SDK2: variants seen among roughly 807,000 people sequenced by gnomAD.
SDK2 encodes the protein protein sidekick-2.
Under a neutral mutation model 253.9 loss-of-function variants are expected in SDK2, and 105 were observed. That is an observed-to-expected ratio of 0.41 (90% CI 0.35 to 0.49). SDK2 has a LOEUF of 0.49. Among genes scored for constraint, SDK2 ranks in the 20% least tolerant of loss-of-function variants. The probability of loss-of-function intolerance (pLI) is 0.06; values close to 1 mark genes in which losing one functional copy is unlikely to be tolerated. For missense variants in SDK2, 2,608 were observed against 3,003.0 expected, an observed-to-expected ratio of 0.87 and a Z score of 3.07; for synonymous variants, 1,249 against 1,234.9, an observed-to-expected ratio of 1.01 and a Z score of -0.24.
chr17:73,559,635 T>C (rs1179081582), intron 1 of SDK2, among the ~76,000 whole-genome samples: 2 of 108,980 alleles, frequency 1.8e-5, no homozygotes, highest in African/African-American at 3.7e-5. Flanking sequence ...CATGTCACCA[T>C]ACTGTGGCTG....
intron 1 of SDK2, among the ~76,000 whole-genome samples, chr17:73,524,357 C>T (rs776405429): frequency 2.6e-5 from 4 of 152,216 alleles, no homozygotes; most frequent in Admixed American, 6.5e-5. Flanking sequence ...CCGCCCGCCC[C>T]GGCCATTCAC....
rs774885043 is a variant in SDK2 at position 73,368,470 on chromosome 17, C to T, written c.5104G>A (p.Ala1702Thr). ...GYTAYMVSVA[A>T]FNAAGDGPRS... ...GGCCCATCCCCAGCGGCGTTGAAGG[C>T]GGCCACGCTGACCATGTAGGCCGTG... is the stretch of plus-strand genomic sequence containing the variant. Residue 1702 changes from alanine to threonine, a missense_variant, in exon 37 of 45, where the codon GCC becomes ACC. Around this residue, in one of 2 missense-constraint regions of SDK2, gnomAD observed 1,103 missense variants for 1,143.9 expected, o/e 0.96. Coordinates refer to ENST00000392650, the MANE Select transcript of SDK2 (RefSeq NM_001144952.2). The T allele has an allele frequency of 1.1e-5, 18 of 1,608,080 alleles. No individual in the cohort carries two copies. The highest frequency in any genetic ancestry group is 2.2e-5 in the East Asian group (1 of 44,568).
At chr17:73,480,148 G>A (rs187611900) in intron 2 of SDK2, among the ~76,000 whole-genome samples, 1 of 152,206 alleles carries the variant, frequency 6.6e-6, no homozygotes, top group Non-Finnish European at 1.5e-5. Context: ...GTTCACAGAT[G>A]AGAAAAACGG....
At chr17:73,400,671 T>G (rs1400244766) in intron 21 of SDK2, among the ~76,000 whole-genome samples, 1 of 151,710 alleles carries the variant, frequency 6.6e-6, no homozygotes, top group Non-Finnish European at 1.5e-5. Context: ...TTTTTTTTTT[T>G]GAGACGCGAT....
chr17:73,356,980 C>A (rs929169219), intron 40 of SDK2, among the ~76,000 whole-genome samples: 3 of 152,204 alleles, frequency 2.0e-5, no homozygotes, highest in Non-Finnish European at 4.4e-5. Flanking sequence ...AGGTGCAGGC[C>A]CTGGTTGGGA....
intron 1 of SDK2, among the ~76,000 whole-genome samples, chr17:73,621,451 AGACT>A (rs1211691950): frequency 2.0e-5 from 3 of 152,230 alleles, no homozygotes; most frequent in African/African-American, 7.2e-5. Flanking sequence ...AAGATAATCA[AGACT>A]GACCCTGAAA....
chr17:73,602,036 G>A (rs986792398), intron 1 of SDK2, among the ~76,000 whole-genome samples: 1 of 152,312 alleles, frequency 6.6e-6, no homozygotes, highest in African/African-American at 2.4e-5. Flanking sequence ...GAGCCGCCGC[G>A]CCCAGCCCAG....
Position 73,443,270 on chromosome 17 carries a change from T to A in SDK2, c.614-2347A>T, listed in dbSNP as rs771495383. Among the ~76,000 whole-genome samples, 8 of 151,870 alleles carry A rather than the reference T, an allele frequency of 5.3e-5. No homozygotes were observed. The highest frequency in any genetic ancestry group is 8.8e-5 in the Non-Finnish European group (6 of 67,958). Reference sequence around the variant, plus strand: ...AAGAATGCGCATAAAATGTAAAAAATAAAGTAAAATGAAGGGGGAAAGAAA... The same window carrying A: ...AAGAATGCGCATAAAATGTAAAAAAAAAAGTAAAATGAAGGGGGAAAGAAA... On this transcript the variant is annotated intron_variant, in intron 5 of 44. Transcript: ENST00000392650. This position sits in a 1 kb window ranked among gnomAD's most constrained non-coding sequence, Gnocchi z 4.6.
At chr17:73,608,699 TC>T (rs1232954956) in intron 1 of SDK2, among the ~76,000 whole-genome samples, 1 of 152,160 alleles carries the variant, frequency 6.6e-6, no homozygotes, top group African/African-American at 2.4e-5. Flanking sequence ...TGCCTTGGCC[TC>T]CCAAAGTGCT....
intron 18 of SDK2, among the ~76,000 whole-genome samples, chr17:73,406,496 C>A (rs570119294): frequency 1.3e-5 from 2 of 151,378 alleles, no homozygotes; most frequent in South Asian, 4.2e-4. Flanking sequence ...ATGATCTGCC[C>A]GCCTCGGCCT....
intron 16 of SDK2, 97 bp downstream of exon 16, chr17:73,419,069 C>T: frequency 7.3e-7 from 1 of 1,377,230 alleles, no homozygotes; most frequent in Non-Finnish European, 1.0e-6. Context: ...TGGCGAAGGG[C>T]CTGCCATGAA....
At chr17:73,359,765 C>A (rs1178934025) in intron 39 of SDK2, among the ~76,000 whole-genome samples, 1 of 152,208 alleles carries the variant, frequency 6.6e-6, no homozygotes, top group Non-Finnish European at 1.5e-5. Flanking sequence ...CCCACGACAG[C>A]CTCCTGAGTA....
At chr17:73,597,870 C>T (rs1256389806) in intron 1 of SDK2, among the ~76,000 whole-genome samples, 1 of 152,086 alleles carries the variant, frequency 6.6e-6, no homozygotes, top group African/African-American at 2.4e-5. Context: ...TGGTTTCGAT[C>T]TCCTGACCTC....
intron 22 of SDK2, among the ~76,000 whole-genome samples, chr17:73,398,942 C>A (rs2062995361): frequency 6.6e-6 from 1 of 152,174 alleles, no homozygotes; most frequent in African/African-American, 2.4e-5. Context: ...CTAGGCACCC[C>A]CCGACCCAGG....
chr17:73,613,584 G>GGC, intron 1 of SDK2, among the ~76,000 whole-genome samples: 2 of 118,998 alleles, frequency 1.7e-5, no homozygotes, highest in Admixed American at 8.6e-5. Flanking sequence ...CCACTGTGCG[G>GGC]CCCCACCCCC....
rs577375562 is a variant in SDK2, at chr17:73,552,996, C to G, written c.65-45399G>C. ...CTGGGTTCCTCGAGCACCCTAATCC[C>G]AACCCTTTGGGATTGGCTGCAGCTC... On this transcript the variant is annotated intron_variant, in intron 1 of 44. Coordinates refer to ENST00000392650, the MANE Select transcript of SDK2 (RefSeq NM_001144952.2). Among the ~76,000 whole-genome samples the G allele has an allele frequency of 1.5e-4, 23 of 152,340 alleles. No individual in the cohort carries two copies. In the South Asian group the frequency reaches 2.1e-3, roughly 14 times the overall value.
intron 2 of SDK2, among the ~76,000 whole-genome samples, chr17:73,488,199 G>C (rs1375850556): frequency 1.3e-5 from 2 of 152,112 alleles, no homozygotes; most frequent in African/African-American, 2.4e-5. Flanking sequence ...GTATTTTTTA[G>C]TAGAGACGGG....
In SDK2 at chr17:73,350,675, C is replaced by T. The variant is rs1274312402; in HGVS notation, c.5874G>A (p.Lys1958=). ...VFVLIIRGQS[K]KYAKKTDSGN... Reference sequence around the variant, plus strand: ...CCGAGTCTGTCTTCTTGGCGTACTTCTTGCTCTGGCCCCGGATGATGAGCA... The same window carrying T: ...CCGAGTCTGTCTTCTTGGCGTACTTTTTGCTCTGGCCCCGGATGATGAGCA... The change falls in exon 42 of 45, where the codon AAG becomes AAA. Residue 1958 remains lysine (K), a synonymous_variant. Transcript: ENST00000392650. The T allele has an allele frequency of 3.7e-6, 6 of 1,612,974 alleles. No individual in the cohort carries two copies. Among genetic ancestry groups the T allele is most frequent in the Non-Finnish European group, 5.1e-6 (6 of 1,179,556 alleles).
At chr17:73,368,633 G>T (rs375414527) in intron 36 of SDK2, 40 bp from the exon 37 acceptor site, 17 of 1,467,794 alleles carry the variant, frequency 1.2e-5, no homozygotes, top group Non-Finnish European at 1.6e-5. Flanking sequence ...GGGGACAGGG[G>T]CAATGAGAGT....
Sources: gnomAD v4.1 joint callset for allele counts (sites outside exome capture counted in the v4.1 genomes callset) on GRCh38, gnomAD v4.1.1 for gene constraint, gnomAD v4.1.1 regional missense constraint, Gnocchi (gnomAD v3.1) non-coding constraint, MANE v1.5 for transcripts, NCBI Gene and HGNC (gene_info 2026-07-23, HGNC 2026-07-21) for gene names.